RELN: variants seen among roughly 807,000 people sequenced by gnomAD.
RELN encodes the protein reelin.
In RELN, 108 loss-of-function variants were observed where a neutral mutation model predicts 427.6. The observed-to-expected ratio is 0.25, with a 90% CI of 0.22 to 0.30. The LOEUF is 0.30. RELN is among the 10% of genes least tolerant of loss of function. RELN has a pLI of 1.00. For missense variants in RELN, 3,715 were observed against 4,302.8 expected (o/e 0.86, Z 3.82); for synonymous variants, 1,524 against 1,513.4 (o/e 1.01, Z -0.16).
At position 103,593,714 on chromosome 7, in the gene RELN, T is replaced by G. The variant is rs780821882; in HGVS notation, c.3880A>C (p.Thr1294Pro). 17 of 1,613,980 alleles carry G rather than the reference T, an allele frequency of 1.1e-5. No homozygotes were observed. Among genetic ancestry groups the G allele is most frequent in the Non-Finnish European group, 1.4e-5 (16 of 1,179,930 alleles). ...GDRFAVTRDLTLKPGYVLQFK... is the reference protein window; with the variant it reads ...GDRFAVTRDLPLKPGYVLQFK... ...TGTAGCACATATCCAGGTTTCAGGGTCAAATCTCGAGTTACTGCAAATCGA... is the reference window on the plus strand; with the variant it reads ...TGTAGCACATATCCAGGTTTCAGGGGCAAATCTCGAGTTACTGCAAATCGA... Residue 1294 changes from threonine (T) to proline (P), a missense_variant, in exon 27 of 65, where the codon ACC becomes CCC. Coordinates refer to ENST00000428762, the MANE Select transcript of RELN (RefSeq NM_005045.4).
intron 11 of RELN, among the ~76,000 whole-genome samples, chr7:103,673,947 C>T (rs889099497): frequency 6.6e-6 from 1 of 151,556 alleles, no homozygotes; most frequent in African/African-American, 2.4e-5. Context: ...CCTCTTCTTC[C>T]TCCTCCTTCT....
At chr7:103,691,634 A>G (rs2299363) in intron 10 of RELN, among the ~76,000 whole-genome samples, 32,511 of 151,842 alleles carry the variant, frequency 0.21, 4,736 homozygotes, top group African/African-American at 0.41. Context: ...CTAACATGGC[A>G]AAACCCCATC....
At chr7:103,590,458 G>A (rs1169921277) in intron 27 of RELN, among the ~76,000 whole-genome samples, 1 of 152,044 alleles carries the variant, frequency 6.6e-6, no homozygotes, top group South Asian at 2.1e-4. Flanking sequence ...CTACTCGGGA[G>A]GCTGAGGCAG....
chr7:103,874,921 CA>C (rs1201022518), intron 2 of RELN, among the ~76,000 whole-genome samples: 2 of 146,570 alleles, frequency 1.4e-5, no homozygotes, highest in African/African-American at 4.9e-5. Flanking sequence ...GCCAAAAGAA[CA>C]AAGCTGGAGG....
chr7:103,738,998 A>C (rs2115997783), intron 6 of RELN, among the ~76,000 whole-genome samples: 1 of 152,084 alleles, frequency 6.6e-6, no homozygotes, highest in South Asian at 2.1e-4. Context: ...TTTTCATTCA[A>C]CTTAAAATTT....
At chr7:103,773,922 G>A (rs1316575072) in intron 4 of RELN, among the ~76,000 whole-genome samples, 1 of 152,128 alleles carries the variant, frequency 6.6e-6, no homozygotes, top group East Asian at 1.9e-4. Context: ...CAGGAAATGG[G>A]TCCTTTTCAC....
At chr7:103,494,394 G>GT (rs774896895) in intron 57 of RELN, among the ~76,000 whole-genome samples, 1,988 of 134,534 alleles carry the variant, frequency 0.015, 53 homozygotes, top group African/African-American at 0.057. Flanking sequence ...TGTGTGTGTG[G>GT]GATATGGTCT....
chr7:103,743,822 T>G lies in RELN; in HGVS notation c.656+5604A>C, dbSNP rs1391930321. ...CCCACACAATAATTATGGGAGACTT[T>G]AACACCCCACTGTCAACATTAGACA... On this transcript the variant is annotated intron_variant, in intron 6 of 64. Coordinates refer to ENST00000428762, the MANE Select transcript of RELN (RefSeq NM_005045.4). Among the ~76,000 whole-genome samples the G allele has an allele frequency of 2.0e-5, 3 of 152,138 alleles. No homozygotes were observed. In the East Asian group the frequency reaches 5.8e-4, roughly 29 times the overall value.
At position 103,654,123 on chromosome 7, in the gene RELN, T is replaced by C; in HGVS notation, c.1524A>G (p.Thr508=). Residue 508 remains threonine, a synonymous_variant, in exon 13 of 65, where the codon ACA becomes ACG. Transcript: ENST00000428762. Reference sequence around the variant, plus strand: ...ATGAGGAATAGGAAAGGGTATCCAGTGTTATATGCTCTTTTCTTCCTTCAA... The same window carrying C: ...ATGAGGAATAGGAAAGGGTATCCAGCGTTATATGCTCTTTTCTTCCTTCAA... ...AKIEGRKEHI[T]LDTLSYSSYK... is the part of the protein sequence containing the mutation. The C allele has an allele frequency of 6.3e-7, 1 of 1,597,856 alleles. No individual in the cohort carries two copies.
chr7:103,773,100 TTTTCTTTCTTTCTTTCTTTCTTTCTTTC>T (rs550940718), intron 4 of RELN, among the ~76,000 whole-genome samples: 1,665 of 128,702 alleles, frequency 0.013, 17 homozygotes, highest in Non-Finnish European at 0.018. Context: ...GGTTCTCCTC[TTTTCTTTCTTTCTTTCTTTCTTTCTTTC>T]TTTCTTTCTT....
chr7:103,881,111 C>T (rs77849794), intron 2 of RELN, among the ~76,000 whole-genome samples: 6,297 of 152,240 alleles, frequency 0.041, 426 homozygotes, highest in African/African-American at 0.14. Context: ...CTACTGCTCT[C>T]TTTTTTCTTT....
chr7:103,476,625 C>T, intron 64 of RELN: 1 of 192,042 alleles, frequency 5.2e-6, no homozygotes, highest in Non-Finnish European at 1.1e-5. Context: ...GTTTATGAGC[C>T]TTTGAAAATC....
intron 1 of RELN, among the ~76,000 whole-genome samples, chr7:103,930,866 A>ATG (rs1491342869): frequency 5.7e-5 from 5 of 87,756 alleles, no homozygotes; most frequent in Non-Finnish European, 1.2e-4. Context: ...GGGTGTGAGC[A>ATG]TATGTGTGTG....
At chr7:103,965,189 G>A (rs967437797) in intron 1 of RELN, among the ~76,000 whole-genome samples, 4 of 152,180 alleles carry the variant, frequency 2.6e-5, no homozygotes, top group Non-Finnish European at 4.4e-5. Context: ...CAAACTTGCT[G>A]CCTTATAACA....
rs143767764 is a variant in RELN at position 103,722,613 on chromosome 7, TA to T, written c.805+526del. Among the ~76,000 whole-genome samples, 1,352 of 152,280 alleles carry T rather than the reference TA, an allele frequency of 8.9e-3. 26 individuals carry two copies. Among genetic ancestry groups the T allele is most frequent in the African/African-American group, 0.031 (1,295 of 41,572 alleles). ...ACCTTATTTTACTGAATGCTTTGGGTAGGAACTTTTAGCTCTAAAACAAAAG... is the reference window on the plus strand; with the variant it reads ...ACCTTATTTTACTGAATGCTTTGGGTGGAACTTTTAGCTCTAAAACAAAAG... On this transcript the variant is annotated intron_variant, in intron 8 of 64. Transcript: ENST00000428762.
At chr7:103,478,302 G>A (rs1477294362) in intron 64 of RELN, 87 bp downstream of exon 64, 9 of 641,578 alleles carry the variant, frequency 1.4e-5, no homozygotes, top group Admixed American at 1.1e-4. Flanking sequence ...AGTTGCAAAG[G>A]TGCTTTACAA....
intron 8 of RELN, among the ~76,000 whole-genome samples, chr7:103,707,847 C>T (rs372380299): frequency 6.6e-6 from 1 of 151,894 alleles, no homozygotes; most frequent in Non-Finnish European, 1.5e-5. Flanking sequence ...ATAAGCAAAA[C>T]AAACAAAAAA....
At chr7:103,919,824 G>A (rs1270466679) in intron 1 of RELN, among the ~76,000 whole-genome samples, 2 of 152,160 alleles carry the variant, frequency 1.3e-5, no homozygotes, top group Non-Finnish European at 2.9e-5. Context: ...TTTATGACAA[G>A]TTAAAGGGAA....
At chr7:103,680,172 A>C (rs1249524028) in intron 11 of RELN, among the ~76,000 whole-genome samples, 1 of 152,132 alleles carries the variant, frequency 6.6e-6, no homozygotes, top group East Asian at 1.9e-4. Flanking sequence ...ATACAGGCAC[A>C]CACAGAGAAG....
Sources: allele counts gnomAD v4.1 joint callset (sites outside exome capture counted in the v4.1 genomes callset), GRCh38; gene constraint gnomAD v4.1.1; transcripts MANE v1.5; gene names NCBI Gene and HGNC (gene_info 2026-07-23, HGNC 2026-07-21).